OPA1: variants seen among roughly 807,000 people sequenced by gnomAD.
The protein encoded by OPA1 is OPA1 mitochondrial dynamin like GTPase, also known as dynamin-like GTPase OPA1, mitochondrial.
Under a neutral mutation model 152.9 loss-of-function variants are expected in OPA1, and 59 were observed. That is an observed-to-expected ratio of 0.39 (90% confidence interval 0.31 to 0.48). The LOEUF is 0.48. Among genes scored for constraint, OPA1 ranks in the 20% least tolerant of loss-of-function variants. The probability of loss-of-function intolerance (pLI) is 0.96; values close to 1 mark genes in which losing one functional copy is unlikely to be tolerated. For missense variants in OPA1, 1,008 were observed against 1,216.8 expected, an observed-to-expected ratio of 0.83 and a Z score of 2.55; for synonymous variants, 400 against 389.9, an observed-to-expected ratio of 1.03 and a Z score of -0.31.
At chr3:193,684,229 G>C (rs1358352361) in intron 29 of OPA1, among the ~76,000 whole-genome samples, 1 of 152,110 alleles carries the variant, frequency 6.6e-6, no homozygotes, top group African/African-American at 2.4e-5. Flanking sequence ...TAGTTCTAGG[G>C]AAAATATGAT....
chr3:193,645,609 T>C lies in OPA1; in HGVS notation c.1665T>C (p.Ala555=), dbSNP rs760766866. 1.1e-5 allele frequency: 17 copies of C among 1,612,750 alleles called. No homozygotes were observed. Among genetic ancestry groups the C allele is most frequent in the Non-Finnish European group, 1.4e-5 (17 of 1,179,068 alleles). Residue 555 remains alanine (A), a synonymous_variant, in exon 17 of 31, where the codon GCT becomes GCC. Transcript: ENST00000361510. ...CAATGAAAGCTTTAGGTTATTTTGC[T>C]GTTGTAACAGGAAAAGGTATGCAAA... ...LFPMKALGYF[A]VVTGKGNSSE...
intron 29 of OPA1, among the ~76,000 whole-genome samples, chr3:193,677,570 A>T (rs1719387944): frequency 3.3e-5 from 5 of 152,352 alleles, no homozygotes; most frequent in African/African-American, 9.6e-5. Flanking sequence ...CGAGATAGGA[A>T]ATCTTAAGGG....
intron 29 of OPA1, among the ~76,000 whole-genome samples, chr3:193,689,459 G>A (rs1341288180): frequency 2.0e-5 from 3 of 151,978 alleles, no homozygotes; most frequent in South Asian, 2.1e-4. Context: ...TTCATTTTGT[G>A]GTTTTCATAT....
At chr3:193,632,861 G>T (rs1332083501) in intron 8 of OPA1, among the ~76,000 whole-genome samples, 3 of 151,944 alleles carry the variant, frequency 2.0e-5, no homozygotes, top group Non-Finnish European at 4.4e-5. Context: ...CTGTCTGGAA[G>T]AAAACAAAAA....
At chr3:193,675,364 A>G (rs1264827823) in intron 29 of OPA1, among the ~76,000 whole-genome samples, 2 of 151,162 alleles carry the variant, frequency 1.3e-5, no homozygotes, top group South Asian at 4.2e-4. Flanking sequence ...CCAATCAAGA[A>G]GAATAGAGCA....
intron 9 of OPA1, among the ~76,000 whole-genome samples, chr3:193,635,826 A>G (rs539398174): frequency 6.6e-6 from 1 of 152,330 alleles, no homozygotes; most frequent in African/African-American, 2.4e-5. Context: ...AATTTTATAT[A>G]AAATCAGAAT....
In OPA1 at chr3:193,676,936, G is replaced by C. The variant is rs185566659; in HGVS notation, c.2983+9656G>C. Among the ~76,000 whole-genome samples the C allele has an allele frequency of 1.8e-3, 247 of 138,910 alleles. 1 individual carries two copies. The highest frequency in any genetic ancestry group is 3.5e-3 in the African/African-American group (128 of 36,512). The allele number at this position is 138,910 out of a possible 152,430, so 91.1% of individuals were successfully genotyped here. A position where few individuals can be genotyped will look rare whatever the true frequency, so the allele number is the denominator to read the frequency against. Reference sequence around the variant, plus strand: ...GCGGAGCTTGCGGTGAGCCGAGATCGCGCCACTGCACTCCAGCCTGGGTGA... The same window carrying C: ...GCGGAGCTTGCGGTGAGCCGAGATCCCGCCACTGCACTCCAGCCTGGGTGA... On this transcript the variant is annotated intron_variant, in intron 29 of 30. Transcript: ENST00000361510.
chr3:193,640,926 C>T (rs1437637010), intron 11 of OPA1, among the ~76,000 whole-genome samples: 1 of 152,138 alleles, frequency 6.6e-6, no homozygotes, highest in African/African-American at 2.4e-5. Flanking sequence ...ATCTAGATTG[C>T]ACTTTTGTGG....
At chr3:193,600,516 G>A (rs1191030996) in intron 1 of OPA1, among the ~76,000 whole-genome samples, 1 of 152,154 alleles carries the variant, frequency 6.6e-6, no homozygotes, top group African/African-American at 2.4e-5. Context: ...AAATGCTAAG[G>A]TGTACTCCTT....
intron 21 of OPA1, among the ~76,000 whole-genome samples, chr3:193,649,455 A>G (rs1711852656): frequency 6.6e-6 from 1 of 152,226 alleles, no homozygotes; most frequent in South Asian, 2.1e-4. Context: ...GAGACACGGT[A>G]AAACAAGCTA....
Position 193,654,899 on chromosome 3 carries a change from T to A in OPA1, c.2050T>A (p.Ser684Thr). Residue 684 changes from serine to threonine, a missense_variant, in exon 22 of 31, where the codon TCA (serine) becomes ACA (threonine). Around this residue, in one of 7 missense-constraint regions of OPA1, gnomAD observed 229 missense variants for 269.0 expected, o/e 0.85. Transcript: ENST00000361510. ...ILQQSLWERV[S>T]THVIENIYLP... The stretch of plus-strand genomic sequence containing the variant: ...TCAACAATCTTTGTGGGAAAGAGTA[T>A]CAACTCATGTGATTGAAAACATCTA... 6.2e-7 allele frequency: 1 copy of A among 1,613,964 alleles called. No homozygotes were observed. Among genetic ancestry groups the A allele is most frequent in the Non-Finnish European group, 8.5e-7 (1 of 1,179,940 alleles).
intron 15 of OPA1, 35 bp downstream of exon 15, chr3:193,643,662 T>C (rs751892241): frequency 1.5e-5 from 23 of 1,526,778 alleles, no homozygotes; most frequent in East Asian, 2.3e-5. Flanking sequence ...TGTACTGATA[T>C]GTTTTCTTCT....
chr3:193,622,472 C>G (rs546663886), intron 6 of OPA1, among the ~76,000 whole-genome samples: 2 of 152,098 alleles, frequency 1.3e-5, no homozygotes, highest in Non-Finnish European at 2.9e-5. Context: ...CATGGTCCGT[C>G]CACCTCTGCC....
In OPA1 at chr3:193,594,797, A is replaced by C. The variant is rs534994527; in HGVS notation, c.32+1388A>C. 2.6e-5 allele frequency among the ~76,000 whole-genome samples: 4 copies of C among 152,346 alleles called. No individual in the cohort carries two copies. The East Asian group carries it at 5.8e-4, about 22-fold the overall frequency. On this transcript the variant is annotated intron_variant, in intron 1 of 30. Coordinates refer to ENST00000361510, the MANE Select transcript of OPA1 (RefSeq NM_130837.3). ...TTATTGCATAGGTATTTTTAATCTC[A>C]TGGAATTTTAGTCTTTGAGTAAGTT...
Position 193,658,946 on chromosome 3 carries a change from T to G in OPA1, c.2391T>G (p.Asp797Glu), listed in dbSNP as rs201226384. The G allele has an allele frequency of 5.0e-6, 8 of 1,613,966 alleles. No individual in the cohort carries two copies. Among genetic ancestry groups the G allele is most frequent in the Non-Finnish European group, 6.8e-6 (8 of 1,179,890 alleles). ...DRSISDKQQW[D>E]AAIYFMEEAL... is the part of the protein sequence containing the mutation. ...CCATATCTGATAAACAGCAATGGGA[T>G]GCAGCTATTTATTTTATGGAAGAGG... The change falls in exon 24 of 31, where the codon GAT becomes GAG. Residue 797 changes from aspartate to glutamate, a missense_variant. By Grantham distance (45) the Asp-to-Glu change is conservative. Around this residue, in one of 7 missense-constraint regions of OPA1, gnomAD observed 229 missense variants for 269.0 expected, o/e 0.85. Coordinates refer to ENST00000361510, the MANE Select transcript of OPA1 (RefSeq NM_130837.3).
chr3:193,681,566 T>C (rs77646066), intron 29 of OPA1, among the ~76,000 whole-genome samples: 1 of 152,348 alleles, frequency 6.6e-6, no homozygotes, highest in Non-Finnish European at 1.5e-5. Context: ...TGCATGTCAC[T>C]TTATTGCACT....
intron 7 of OPA1, 46 bp downstream of exon 7, chr3:193,626,248 G>A (rs1296626820): frequency 7.6e-7 from 1 of 1,309,696 alleles, no homozygotes; most frequent in South Asian, 1.2e-5. Flanking sequence ...ACACTAATCA[G>A]CCATTTCTGC....
At position 193,644,004 on chromosome 3, in the gene OPA1, G is replaced by A; in HGVS notation, c.1507G>A (p.Val503Ile). 1 of 1,613,668 alleles carries A rather than the reference G, an allele frequency of 6.2e-7. No individual in the cohort carries two copies. The highest frequency in any genetic ancestry group is 8.5e-7 in the Non-Finnish European group (1 of 1,179,764). The change falls in exon 16 of 31, where the codon GTT (valine) becomes ATT (isoleucine). Residue 503 changes from valine to isoleucine, a missense_variant. Transcript: ENST00000361510. ...DGSVDAERSI[V>I]TDLVSQMDPH... is the part of the protein sequence containing the mutation. ...ATCTGTGGATGCTGAACGCAGTATTGTTACAGACTTGGTCAGTCAAATGGA... is the reference window on the plus strand; with the variant it reads ...ATCTGTGGATGCTGAACGCAGTATTATTACAGACTTGGTCAGTCAAATGGA...
chr3:193,665,431 A>G (rs973235588), intron 27 of OPA1, among the ~76,000 whole-genome samples: 1 of 152,030 alleles, frequency 6.6e-6, no homozygotes. Flanking sequence ...CATTTGCATA[A>G]TGGAAATCAT....
Sources: gnomAD v4.1 joint callset for allele counts (sites outside exome capture counted in the v4.1 genomes callset) on GRCh38, gnomAD v4.1.1 for gene constraint, gnomAD v4.1.1 regional missense constraint, MANE v1.5 for transcripts, NCBI Gene and HGNC (gene_info 2026-07-23, HGNC 2026-07-21) for gene names.